The following PTH2R variants were observed in gnomAD, a reference collection of about 807,000 sequenced individuals.
PTH2R encodes the protein PTH2 receptor.
PTH2R carries 59 observed loss-of-function variants against 60.3 expected under a neutral mutation model. That is an observed-to-expected ratio of 0.98 (90% CI 0.79 to 1.22). The LOEUF (loss-of-function observed/expected upper bound fraction) is 1.22. PTH2R is among the 50% of genes most tolerant of loss of function. PTH2R has a pLI of 0.00. For synonymous variants in PTH2R, 256 were observed against 243.8 expected (o/e 1.05, Z -0.47); for missense variants, 749 against 682.6 (o/e 1.10, Z -1.08).
rs1259522513 is a variant in PTH2R, at chr2:208,493,249, T to C, written c.1258-15T>C. 5 of 1,488,716 alleles carry C rather than the reference T, an allele frequency of 3.4e-6. No individual in the cohort carries two copies. In the African/African-American group the frequency reaches 5.6e-5, roughly 17 times the overall value. The allele number at this position is 1,488,716 out of a possible 1,614,324, so 92.2% of individuals were successfully genotyped here. A position where few individuals can be genotyped will look rare whatever the true frequency, so the allele number is the denominator to read the frequency against. On this transcript the variant is annotated splice_polypyrimidine_tract_variant and intron_variant, in intron 12 of 12. Coordinates refer to ENST00000272847, the MANE Select transcript of PTH2R (RefSeq NM_005048.4). The stretch of plus-strand genomic sequence containing the variant: ...TTTAGGATTTCTCATGCACAGCATG[T>C]TTCTCGTGGCTTAGGTTCAGGCAGA...
In PTH2R at chr2:208,443,492, C is replaced by A; in HGVS notation, c.654C>A (p.Asp218Glu). 1 of 1,611,984 alleles carries A rather than the reference C, an allele frequency of 6.2e-7. No individual in the cohort carries two copies. Among genetic ancestry groups the A allele is most frequent in the Non-Finnish European group, 8.5e-7 (1 of 1,179,304 alleles). The change falls in exon 6 of 13, where the codon GAC (aspartate) becomes GAA (glutamate). Residue 218 changes from aspartate (D) to glutamate (E), a missense_variant. Physicochemically the swap from Asp to Glu is conservative, Grantham distance 45 (BLOSUM62 2). Transcript: ENST00000272847. ...TGGAGTCCCTAATAATGCAGGATGACCCACAAAATTCCATTGAGGCAACTT... is the reference window on the plus strand; with the variant it reads ...TGGAGTCCCTAATAATGCAGGATGAACCACAAAATTCCATTGAGGCAACTT... Reference protein sequence around the residue: ...KELESLIMQDDPQNSIEATSV... With the variant: ...KELESLIMQDEPQNSIEATSV...
chr2:208,474,121 C>T (rs1459603971), intron 9 of PTH2R, among the ~76,000 whole-genome samples: 1 of 152,120 alleles, frequency 6.6e-6, no homozygotes, highest in African/African-American at 2.4e-5. Flanking sequence ...GCTGACTGTA[C>T]TATGATTTAG....
chr2:208,376,861 T>C (rs1046288452), intron 1 of PTH2R, among the ~76,000 whole-genome samples: 3 of 151,966 alleles, frequency 2.0e-5, no homozygotes, highest in Non-Finnish European at 2.9e-5. Context: ...TTCTTTTTTT[T>C]TTAAGTTAAT....
At chr2:208,431,254 C>T (rs1366126726) in intron 2 of PTH2R, among the ~76,000 whole-genome samples, 3 of 152,052 alleles carry the variant, frequency 2.0e-5, no homozygotes, top group African/African-American at 7.2e-5. Flanking sequence ...TTTCTGAAGT[C>T]TTCGTATTCA....
At chr2:208,369,690 A>G (rs1700658318) in intron 1 of PTH2R, among the ~76,000 whole-genome samples, 1 of 152,014 alleles carries the variant, frequency 6.6e-6, no homozygotes, top group Non-Finnish European at 1.5e-5. Context: ...TAAGATATAT[A>G]AAAGGTTCCC....
exon 1 of PTH2R, chr2:208,360,133 G>T (rs1175145601): frequency 2.4e-6 from 1 of 414,796 alleles, no homozygotes; most frequent in East Asian, 7.2e-5. Flanking sequence ...ACCTTTTTAT[G>T]CTTCGAAGCA....
At chr2:208,424,488 C>T (rs1701818798) in intron 1 of PTH2R, among the ~76,000 whole-genome samples, 1 of 152,132 alleles carries the variant, frequency 6.6e-6, no homozygotes, top group Non-Finnish European at 1.5e-5. Context: ...ATGGGTCTGC[C>T]CTGCTCCACT....
At chr2:208,401,445 G>A (rs1574840120) in intron 1 of PTH2R, among the ~76,000 whole-genome samples, 2 of 142,962 alleles carry the variant, frequency 1.4e-5, no homozygotes, top group South Asian at 4.5e-4. Flanking sequence ...TTGCAAAAAG[G>A]TTTTTTTTTT....
intron 1 of PTH2R, among the ~76,000 whole-genome samples, chr2:208,418,511 A>T (rs1049763931): frequency 6.6e-6 from 1 of 152,156 alleles, no homozygotes; most frequent in African/African-American, 2.4e-5. Context: ...TACAGAAAAA[A>T]AGTGATAAAG....
intron 1 of PTH2R, among the ~76,000 whole-genome samples, chr2:208,384,544 G>T (rs1700970936): frequency 6.6e-6 from 1 of 152,114 alleles, no homozygotes; most frequent in Non-Finnish European, 1.5e-5. Context: ...AGAATTTAGT[G>T]TAAAAAAGAT....
chr2:208,435,436 G>A (rs140679604), intron 2 of PTH2R, among the ~76,000 whole-genome samples: 121 of 152,266 alleles, frequency 7.9e-4, no homozygotes, highest in African/African-American at 2.8e-3. Flanking sequence ...TGTCTGAGTG[G>A]GTTCCATGTG....
chr2:208,417,847 C>T (rs565388446), intron 1 of PTH2R, among the ~76,000 whole-genome samples: 4 of 151,970 alleles, frequency 2.6e-5, no homozygotes, highest in Non-Finnish European at 5.9e-5. Context: ...GAAAGAAAGG[C>T]AAAATATCAC....
intron 1 of PTH2R, among the ~76,000 whole-genome samples, chr2:208,374,469 A>T (rs1700757395): frequency 6.6e-6 from 1 of 152,060 alleles, no homozygotes; most frequent in African/African-American, 2.4e-5. Flanking sequence ...TAATAGCCTA[A>T]ATGCACATCG....
At chr2:208,479,950 C>G (rs912246769) in intron 9 of PTH2R, among the ~76,000 whole-genome samples, 2 of 152,196 alleles carry the variant, frequency 1.3e-5, no homozygotes, top group African/African-American at 4.8e-5. Flanking sequence ...ACATCCCTTT[C>G]CTTTCATCAG....
Position 208,370,442 on chromosome 2 carries a change from CAAAAAAAAAAAAAAAAAAAAA to C in PTH2R, c.-259+10218_-259+10238del, listed in dbSNP as rs71041305. On this transcript the variant is annotated intron_variant, in intron 1 of 12. Transcript: ENST00000617735. ...TGGGCGACAGAACGAGACTCCGTCTCAAAAAAAAAAAAAAAAAAAAAAAAAAAAAAAAAGAAAGGTCAACAT... is the reference window on the plus strand; with the variant it reads ...TGGGCGACAGAACGAGACTCCGTCTCAAAAAAAAAAAAGAAAGGTCAACAT... Among the ~76,000 whole-genome samples, 68 of 61,692 alleles carry C rather than the reference CAAAAAAAAAAAAAAAAAAAAA, an allele frequency of 1.1e-3. 1 individual carries two copies. In the Admixed American group the frequency reaches 0.018, roughly 17 times the overall value. 40.5% of individuals were successfully genotyped at this position (61,692 alleles called of 152,430 possible).
Position 208,447,575 on chromosome 2 carries a change from G to C in PTH2R, c.853+2688G>C, listed in dbSNP as rs1376995111. 4.3e-5 allele frequency among the ~76,000 whole-genome samples: 6 copies of C among 137,954 alleles called. No individual in the cohort carries two copies. The East Asian group carries it at 1.2e-3, about 28-fold the overall frequency. 90.5% of individuals were successfully genotyped at this position (137,954 alleles called of 152,430 possible). A position where few individuals can be genotyped will look rare whatever the true frequency, so the allele number is the denominator to read the frequency against. On this transcript the variant is annotated intron_variant, in intron 7 of 12. Coordinates refer to ENST00000272847, the MANE Select transcript of PTH2R (RefSeq NM_005048.4). ...TGCATTCTAGCCTGGGTGACAGAGC[G>C]AGACTCCATCTCAAAAAAAAAACAA...
rs370791799 is a variant in PTH2R at position 208,442,472 on chromosome 2, C to T, written c.509+11C>T. On this transcript the variant is annotated intron_variant, in intron 5 of 12. Transcript: ENST00000272847. ...CATTGGTTACTTCAGGTGAGTGATG[C>T]CCATCACTTTTTCCATGAAGGGGCA... 4.5e-6 allele frequency: 7 copies of T among 1,567,366 alleles called. No individual in the cohort carries two copies. The Middle Eastern group carries it at 5.0e-4, about 113-fold the overall frequency.
intron 10 of PTH2R, 54 bp downstream of exon 10, chr2:208,481,218 CCT>C: frequency 1.7e-6 from 2 of 1,144,658 alleles, no homozygotes; most frequent in Admixed American, 2.8e-5. Flanking sequence ...CTATTTCTTT[CCT>C]TTTTTTTTTT....
chr2:208,491,238 G>A (rs1317043732), intron 12 of PTH2R, among the ~76,000 whole-genome samples: 1 of 152,178 alleles, frequency 6.6e-6, no homozygotes, highest in Non-Finnish European at 1.5e-5. Flanking sequence ...GAAGTGCACA[G>A]ATACTTTTAT....
Sources: gnomAD v4.1 joint callset for allele counts (sites outside exome capture counted in the v4.1 genomes callset) on GRCh38, gnomAD v4.1.1 for gene constraint, MANE v1.5 for transcripts, NCBI Gene and HGNC (gene_info 2026-07-23, HGNC 2026-07-21) for gene names.